Variants in DOCK9 observed in about 807,000 individuals in gnomAD.
DOCK9 encodes the protein dedicator of cytokinesis protein 9.
A neutral mutation model predicts 263.3 loss-of-function variants in DOCK9; 89 were observed. The ratio of observed to expected loss-of-function variants is 0.34; its 90% CI spans 0.28 to 0.40. DOCK9 has a LOEUF of 0.40. DOCK9 is among the 10% of genes least tolerant of loss of function. The probability of loss-of-function intolerance (pLI) is 1.00; values close to 1 mark genes in which losing one functional copy is unlikely to be tolerated. For synonymous variants in DOCK9, 976 were observed against 973.1 expected (o/e 1.00, Z -0.06); for missense variants, 2,140 against 2,603.4 (o/e 0.82, Z 3.87).
intron 5 of DOCK9, among the ~76,000 whole-genome samples, chr13:98,923,099 T>A (rs1000929763): frequency 6.6e-6 from 1 of 152,158 alleles, no homozygotes; most frequent in South Asian, 2.1e-4. Context: ...CAAGAGAACA[T>A]GAAATGCTAA....
At chr13:99,064,062 C>T (rs1337323357) in intron 1 of DOCK9, among the ~76,000 whole-genome samples, 1 of 152,176 alleles carries the variant, frequency 6.6e-6, no homozygotes, top group Non-Finnish European at 1.5e-5. Context: ...TATCCTCCAC[C>T]TTTTTCTCTC....
rs1425565432 is a variant in DOCK9, at chr13:98,829,329, A to G, written c.4943T>C (p.Val1648Ala). Residue 1648 changes from valine to alanine, a missense_variant, in exon 43 of 53, where the codon GTC (valine) becomes GCC (alanine). Val to Ala is a moderately conservative substitution (Grantham distance 64, BLOSUM62 0). Transcript: ENST00000682017. The surrounding 1 kb of genome is among the most constrained non-coding windows in gnomAD (Gnocchi z 4.1). The part of the protein sequence containing the change: ...TWLDSMARIH[V>A]KNGDLSEAAM... ...TACCTCTGAGAGATCGCCATTTTTGACATGGATCCTGGCCATGCTGTCGAG... is the reference window on the plus strand; with the variant it reads ...TACCTCTGAGAGATCGCCATTTTTGGCATGGATCCTGGCCATGCTGTCGAG... 5 of 1,612,762 alleles carry G rather than the reference A, an allele frequency of 3.1e-6. No individual in the cohort carries two copies. The highest frequency in any genetic ancestry group is 1.7e-5 in the Admixed American group (1 of 59,896).
intron 2 of DOCK9, among the ~76,000 whole-genome samples, chr13:98,941,810 C>T (rs922828656): frequency 7.2e-5 from 11 of 152,110 alleles, no homozygotes; most frequent in African/African-American, 1.7e-4. Context: ...TCCCTAGAGG[C>T]GAGAATAGAG....
At chr13:98,794,979 T>C (rs1331661064) in intron 52 of DOCK9, among the ~76,000 whole-genome samples, 6 of 152,008 alleles carry the variant, frequency 3.9e-5, no homozygotes, top group South Asian at 2.1e-4. Context: ...ATCACGTGAG[T>C]GATGTGCAGC....
chr13:98,969,768 C>T (rs1013467615), intron 1 of DOCK9, among the ~76,000 whole-genome samples: 3 of 152,154 alleles, frequency 2.0e-5, no homozygotes, highest in African/African-American at 7.2e-5. Flanking sequence ...GCAGTGCATG[C>T]CAGGCAAAGG....
intron 15 of DOCK9, among the ~76,000 whole-genome samples, chr13:98,890,785 T>C (rs1178478155): frequency 6.6e-6 from 1 of 152,216 alleles, no homozygotes; most frequent in African/African-American, 2.4e-5. Flanking sequence ...AATTTCTAAA[T>C]TCCTGCATCC....
Position 98,860,400 on chromosome 13 carries a change from G to A in DOCK9, c.3697+5C>T, listed in dbSNP as rs370845950. The stretch of plus-strand genomic sequence containing the variant: ...AGAGAAGCCCACAAGAGCATGGAGC[G>A]TTACCAATGCCGGAGATGGCGCCCA... On this transcript the variant is annotated splice_donor_5th_base_variant and intron_variant, in intron 33 of 52. Transcript: ENST00000682017. 2.2e-4 allele frequency: 345 copies of A among 1,576,702 alleles called. No individual in the cohort carries two copies. The African/African-American group carries it at 2.7e-3, about 13-fold the overall frequency.
chr13:98,855,677 T>G (rs1337512825), intron 34 of DOCK9, among the ~76,000 whole-genome samples: 1 of 152,140 alleles, frequency 6.6e-6, no homozygotes, highest in African/African-American at 2.4e-5. Context: ...GACGCTCCAC[T>G]GCAAACCCTG....
At position 98,824,454 on chromosome 13, in the gene DOCK9, C is replaced by T. The variant is rs1053454250; in HGVS notation, c.5074G>A (p.Asp1692Asn). 25 of 1,613,744 alleles carry T rather than the reference C, an allele frequency of 1.5e-5. 1 individual carries two copies. The African/African-American group carries it at 2.0e-4, about 13-fold the overall frequency. The change falls in exon 45 of 53, where the codon GAC (aspartate) becomes AAC (asparagine). Residue 1692 changes from aspartate (D) to asparagine (N), a missense_variant. By Grantham distance (23) the Asp-to-Asn change is conservative (BLOSUM62 1). Coordinates refer to ENST00000682017, the MANE Select transcript of DOCK9 (RefSeq NM_001366683.2). The stretch of plus-strand genomic sequence containing the variant: ...TCTTCCATCATGGAGGCCTCCTCGT[C>T]GATGTTTGGGGTAATGACCCTGAAG... ...TAFRVITPNI[D>N]EEASMMEDVG...
At position 98,800,345 on chromosome 13, in the gene DOCK9, C is replaced by A. The variant is rs1014744398; in HGVS notation, c.5859G>T (p.Ser1953=). The change falls in exon 50 of 53, where the codon TCG becomes TCT. Residue 1953 remains serine (S), a synonymous_variant. Transcript: ENST00000682017. ...KVAELRQLCS[S]AEVDMIKLQL... ...GCAGTTTGATCATGTCCACCTCGGC[C>A]GAGGAGCACAGCTGCCGGAGCTCCG... The A allele has an allele frequency of 6.2e-7, 1 of 1,612,782 alleles. No individual in the cohort carries two copies. The highest frequency in any genetic ancestry group is 1.1e-5 in the South Asian group (1 of 90,686).
chr13:99,086,406 C>T (rs2042344243), exon 1 of DOCK9: 1 of 1,009,182 alleles, frequency 9.9e-7, no homozygotes, highest in Non-Finnish European at 1.2e-6. Context: ...GGCCCGGCCG[C>T]GCGGCCGCCA....
rs528342818 is a variant in DOCK9 at position 98,810,046 on chromosome 13, G to A, written c.5253+123C>T. ...CACCACCTTCAGCGTAACGTGGAGGGTCAGAGACCCCCACTCATCTCTGGC... is the reference window on the plus strand; with the variant it reads ...CACCACCTTCAGCGTAACGTGGAGGATCAGAGACCCCCACTCATCTCTGGC... On this transcript the variant is annotated intron_variant, in intron 46 of 52. Coordinates refer to ENST00000682017, the MANE Select transcript of DOCK9 (RefSeq NM_001366683.2). 4.4e-6 allele frequency: 6 copies of A among 1,377,644 alleles called. No individual in the cohort carries two copies. In the Admixed American group the frequency reaches 5.5e-5, roughly 13 times the overall value. 85.3% of individuals were successfully genotyped at this position (1,377,644 alleles called of 1,614,324 possible).
At chr13:99,049,060 T>G (rs774621613) in intron 1 of DOCK9, among the ~76,000 whole-genome samples, 2 of 152,230 alleles carry the variant, frequency 1.3e-5, no homozygotes, top group Non-Finnish European at 2.9e-5. Context: ...AAAATATGTT[T>G]TGGCATTGTA....
chr13:98,877,234 C>T (rs1158381220), intron 27 of DOCK9, among the ~76,000 whole-genome samples: 1 of 152,236 alleles, frequency 6.6e-6, no homozygotes, highest in Non-Finnish European at 1.5e-5. Flanking sequence ...TCTGTCTCTA[C>T]CTCTGTGAGG....
chr13:98,902,179 TA>T (rs2048382438), intron 12 of DOCK9, 108 bp downstream of exon 12: 1 of 1,187,718 alleles, frequency 8.4e-7, no homozygotes, highest in Non-Finnish European at 1.2e-6. Context: ...ATTAAGAGTC[TA>T]ATGACCCCAC....
At chr13:98,907,018 G>A (rs905566868) in intron 9 of DOCK9, among the ~76,000 whole-genome samples, 1 of 152,170 alleles carries the variant, frequency 6.6e-6, no homozygotes, top group African/African-American at 2.4e-5. Flanking sequence ...TGCTTCCAGG[G>A]CAAAACATGT....
At chr13:98,972,859 G>A (rs1461840662) in intron 1 of DOCK9, among the ~76,000 whole-genome samples, 1 of 152,228 alleles carries the variant, frequency 6.6e-6, no homozygotes, top group Non-Finnish European at 1.5e-5. Context: ...CCTTCCTCAT[G>A]CCTTGCTGCC....
At chr13:99,077,088 T>C (rs904557225) in intron 1 of DOCK9, among the ~76,000 whole-genome samples, 1 of 152,062 alleles carries the variant, frequency 6.6e-6, no homozygotes. Flanking sequence ...TGGTGTCTGA[T>C]AAGGAGAGAG....
At chr13:98,852,661 T>C (rs1238509479) in intron 35 of DOCK9, among the ~76,000 whole-genome samples, 3 of 152,326 alleles carry the variant, frequency 2.0e-5, no homozygotes, top group African/African-American at 7.2e-5. Context: ...GCACACCTTT[T>C]AATTCGTTGT....
Sources: gnomAD v4.1 joint callset for allele counts (sites outside exome capture counted in the v4.1 genomes callset) on GRCh38, gnomAD v4.1.1 for gene constraint, Gnocchi (gnomAD v3.1) non-coding constraint, MANE v1.5 for transcripts, NCBI Gene and HGNC (gene_info 2026-07-23, HGNC 2026-07-21) for gene names.